The following ABCC8 variants were observed in gnomAD, a reference collection of about 807,000 sequenced individuals.
ABCC8 encodes the protein ATP binding cassette subfamily C member 8, also known as ATP-binding cassette sub-family C member 8.
Under a neutral mutation model 188.0 loss-of-function variants are expected in ABCC8, and 137 were observed. That is an observed-to-expected ratio of 0.73 (90% CI 0.63 to 0.84). The LOEUF is 0.84. Among genes scored for constraint, ABCC8 ranks in the 40% least tolerant of loss-of-function variants. The pLI is 0.00. For missense variants in ABCC8, 1,750 were observed against 2,072.7 expected (o/e 0.84, Z 3.02); for synonymous variants, 797 against 846.5 (o/e 0.94, Z 1.01).
At position 17,394,394 on chromosome 11, in the gene ABCC8, T is replaced by C; in HGVS notation, c.4417A>G (p.Ile1473Val). 1 of 1,614,176 alleles carries C rather than the reference T, an allele frequency of 6.2e-7. No individual in the cohort carries two copies. Among genetic ancestry groups the C allele is most frequent in the Non-Finnish European group, 8.5e-7 (1 of 1,180,038 alleles). ...VKALPGGLDA[I>V]ITEGGENFSQ... is the part of the protein sequence containing the mutation. ...AAATTCTCCCCGCCTTCTGTGATGATGGCATCTGAAAACAGCCCGGGGAGA... is the reference window on the plus strand; with the variant it reads ...AAATTCTCCCCGCCTTCTGTGATGACGGCATCTGAAAACAGCCCGGGGAGA... The change falls in exon 37 of 39, where the codon ATC (isoleucine) becomes GTC (valine). Residue 1473 changes from isoleucine to valine, a missense_variant. Coordinates refer to ENST00000389817, the MANE Select transcript of ABCC8 (RefSeq NM_000352.6).
intron 6 of ABCC8, among the ~76,000 whole-genome samples, chr11:17,453,895 C>A (rs1045453096): frequency 6.6e-6 from 1 of 151,910 alleles, no homozygotes; most frequent in African/African-American, 2.4e-5. Context: ...TGTGTACTTC[C>A]GGCAAGATCT....
At chr11:17,440,314 C>T (rs1310931004) in intron 10 of ABCC8, among the ~76,000 whole-genome samples, 1 of 152,146 alleles carries the variant, frequency 6.6e-6, no homozygotes. Flanking sequence ...GTCTCTAAAC[C>T]TGTACAAAAC....
chr11:17,430,994 C>T lies in ABCC8; in HGVS notation c.1672-35G>A, dbSNP rs750708405. 2.7e-5 allele frequency: 44 copies of T among 1,609,962 alleles called. No individual in the cohort carries two copies. In the Middle Eastern group the frequency reaches 5.0e-4, roughly 18 times the overall value. ...GAGGCACAAGTGAGGCCAGGGTGGC[C>T]CAGGGTGTGGGTCCCTCCCACACTG... On this transcript the variant is annotated intron_variant, in intron 11 of 38. Coordinates refer to ENST00000389817, the MANE Select transcript of ABCC8 (RefSeq NM_000352.6).
intron 22 of ABCC8, among the ~76,000 whole-genome samples, chr11:17,408,766 C>G (rs1954661378): frequency 6.6e-6 from 1 of 152,148 alleles, no homozygotes; most frequent in African/African-American, 2.4e-5. Flanking sequence ...ATTAGTGCAT[C>G]CTGCTCAAGC....
chr11:17,410,129 C>T (rs999289485), intron 22 of ABCC8: 7 of 176,946 alleles, frequency 4.0e-5, no homozygotes, highest in African/African-American at 1.2e-4. Context: ...CCATCCACCC[C>T]GGGAAGGTCA....
At position 17,399,275 on chromosome 11, in the gene ABCC8, C is replaced by CAA. The variant is rs57138230; in HGVS notation, c.3651-836_3651-835dup. ...TGGGTGACAAAGTGAGACTCTGCCTCAAAAAAAAAAAAAAAAAAAAAAAAA... is the reference window on the plus strand; with the variant it reads ...TGGGTGACAAAGTGAGACTCTGCCTCAAAAAAAAAAAAAAAAAAAAAAAAAAA... On this transcript the variant is annotated intron_variant, in intron 29 of 38. Coordinates refer to ENST00000389817, the MANE Select transcript of ABCC8 (RefSeq NM_000352.6). Among the ~76,000 whole-genome samples the CAA allele has an allele frequency of 1.1e-3, 62 of 58,524 alleles. 4 individuals carry two copies. Among genetic ancestry groups the CAA allele is most frequent in the Admixed American group, 8.2e-4 (3 of 3,672 alleles). The allele number at this position is 58,524 out of a possible 152,430, so 38.4% of individuals were successfully genotyped here. A position where few individuals can be genotyped will look rare whatever the true frequency, so the allele number is the denominator to read the frequency against.
In ABCC8 at chr11:17,395,688, G is replaced by C. The variant is rs1163768796; in HGVS notation, c.4229C>G (p.Ala1410Gly). 9 of 1,559,194 alleles carry C rather than the reference G, an allele frequency of 5.8e-6. No homozygotes were observed. In the South Asian group the frequency reaches 1.1e-4, roughly 18 times the overall value. The change falls in exon 35 of 39, where the codon GCC becomes GGC. Residue 1410 changes from alanine (A) to glycine (G), a missense_variant. Coordinates refer to ENST00000389817, the MANE Select transcript of ABCC8 (RefSeq NM_000352.6). Reference protein sequence around the residue: ...GHIIIDGIDIAKLPLHTLRSR... With the variant: ...GHIIIDGIDIGKLPLHTLRSR... ...GCGCAGGGTGTGCAGCGGCAGTTTG[G>C]CGATGTCAATGCCATCAATGATGAT...
At position 17,435,597 on chromosome 11, in the gene ABCC8, G is replaced by C. The variant is rs1165535327; in HGVS notation, c.1631-3353C>G. On this transcript the variant is annotated intron_variant, in intron 10 of 38. Transcript: ENST00000389817. ...AATAAGGAGAACTTTTCCCAGGCTG[G>C]AGATAAAAGTGAGAAACAGAAAGAT... 4 of 1,379,940 alleles carry C rather than the reference G, an allele frequency of 2.9e-6. No homozygotes were observed. The African/African-American group carries it at 5.7e-5, about 20-fold the overall frequency. 85.5% of individuals were successfully genotyped at this position (1,379,940 alleles called of 1,614,324 possible).
At chr11:17,412,326 A>G (rs1176076047) in intron 21 of ABCC8, among the ~76,000 whole-genome samples, 1 of 152,244 alleles carries the variant, frequency 6.6e-6, no homozygotes, top group Non-Finnish European at 1.5e-5. Context: ...TAAGATGGGA[A>G]GTGGCAGCAC....
chr11:17,432,379 G>A (rs1955887877), intron 10 of ABCC8, 135 bp from the exon 11 acceptor site: 2 of 1,514,456 alleles, frequency 1.3e-6, no homozygotes, highest in African/African-American at 1.4e-5. Flanking sequence ...GCTAGGGGCA[G>A]AACTCTAGCC....
At chr11:17,411,697 G>C (rs866077101) in intron 21 of ABCC8, among the ~76,000 whole-genome samples, 10 of 152,144 alleles carry the variant, frequency 6.6e-5, no homozygotes, top group Non-Finnish European at 2.9e-5. Flanking sequence ...CCTGGACAAG[G>C]CCCCCTCATA....
chr11:17,409,372 G>T (rs1273088764), intron 22 of ABCC8, among the ~76,000 whole-genome samples: 1 of 152,138 alleles, frequency 6.6e-6, no homozygotes, highest in Non-Finnish European at 1.5e-5. Flanking sequence ...GGTTCAAGGG[G>T]CTCGAGAGTC....
intron 10 of ABCC8, 53 bp from the exon 11 acceptor site, chr11:17,432,297 A>T (rs1955884945): frequency 6.4e-6 from 10 of 1,551,684 alleles, no homozygotes; most frequent in Non-Finnish European, 8.7e-6. Context: ...ACAGCTACAC[A>T]TGGAGATGCC....
At chr11:17,395,553 T>A in intron 35 of ABCC8, 57 bp downstream of exon 35, 1 of 1,535,382 alleles carries the variant, frequency 6.5e-7, no homozygotes, top group South Asian at 1.2e-5. Context: ...GTGCTCCAGA[T>A]CTGATGGAAC....
chr11:17,465,170 T>C (rs1472620023), intron 3 of ABCC8, among the ~76,000 whole-genome samples: 10 of 152,118 alleles, frequency 6.6e-5, no homozygotes, highest in Admixed American at 6.5e-4. Flanking sequence ...CTCAGGCTGG[T>C]CTCTAGGACT....
At chr11:17,399,275 CAAAAAAAAAAA>C (rs57138230) in intron 29 of ABCC8, among the ~76,000 whole-genome samples, 20,108 of 58,538 alleles carry the variant, frequency 0.34, 1,823 homozygotes, top group East Asian at 0.58. Flanking sequence ...GACTCTGCCT[CAAAAAAAAAAA>C]AAAAAAAAAA....
At chr11:17,437,376 T>G (rs1956147404) in intron 10 of ABCC8, among the ~76,000 whole-genome samples, 1 of 152,348 alleles carries the variant, frequency 6.6e-6, no homozygotes, top group East Asian at 1.9e-4. Context: ...AGCTTTTCAT[T>G]TCCAAAGCAT....
rs537494343 is a variant in ABCC8, at chr11:17,393,810, C to A, written c.4546-51G>T. 3.0e-5 allele frequency: 49 copies of A among 1,614,056 alleles called. No individual in the cohort carries two copies. In the Admixed American group the frequency reaches 5.5e-4, roughly 18 times the overall value. On this transcript the variant is annotated intron_variant, in intron 37 of 38. Coordinates refer to ENST00000389817, the MANE Select transcript of ABCC8 (RefSeq NM_000352.6). ...GGCTCACCTGCCCAGTGGATGGGGT[C>A]TGGCCTGGCTTGGGGGATGTGGAGC...
rs775776658 is a variant in ABCC8, at chr11:17,474,926, C to T, written c.250G>A (p.Val84Ile). ...CCCTCTGCAATCTCACACACCAGGA[C>T]GAAGAGCAGCATGAAGGTCAGGATC... ...RWILTFMLLF[V>I]LVCEIAEGIL... The change falls in exon 2 of 39, where the codon GTC (valine) becomes ATC (isoleucine). Residue 84 changes from valine to isoleucine, a missense_variant. Transcript: ENST00000389817. The T allele has an allele frequency of 1.9e-5, 31 of 1,614,062 alleles. No individual in the cohort carries two copies. In the East Asian group the frequency reaches 2.5e-4, roughly 13 times the overall value.
Sources: allele counts gnomAD v4.1 joint callset (sites outside exome capture counted in the v4.1 genomes callset), GRCh38; gene constraint gnomAD v4.1.1; transcripts MANE v1.5; gene names NCBI Gene and HGNC (gene_info 2026-07-23, HGNC 2026-07-21).